The following ADARB2 variants were observed in gnomAD, a reference collection of about 807,000 sequenced individuals.
ADARB2 encodes inactive double-stranded RNA-specific editase B2.
A neutral mutation model predicts 62.2 loss-of-function variants in ADARB2; 25 were observed. The observed-to-expected ratio is 0.40, with a 90% confidence interval of 0.29 to 0.56. ADARB2 has a LOEUF of 0.56. ADARB2 is among the 20% of genes least tolerant of loss of function. The pLI is 0.43. For missense variants in ADARB2, 1,071 were observed against 1,077.4 expected (o/e 0.99, Z 0.08); for synonymous variants, 572 against 500.8 (o/e 1.14, Z -1.90).
intron 2 of ADARB2, among the ~76,000 whole-genome samples, chr10:1,373,222 T>C (rs1354789461): frequency 6.6e-6 from 1 of 152,160 alleles, no homozygotes; most frequent in Non-Finnish European, 1.5e-5. Flanking sequence ...TACCACTCTC[T>C]GTCTGTCTCC....
intron 1 of ADARB2, among the ~76,000 whole-genome samples, chr10:1,529,604 C>A (rs1832195102): frequency 6.6e-6 from 1 of 152,224 alleles, no homozygotes; most frequent in South Asian, 2.1e-4. Flanking sequence ...ACCCTTATCA[C>A]CAGATTCTAA....
chr10:1,379,274 G>A, intron 1 of ADARB2, 114 bp from the exon 2 acceptor site: 1 of 800,126 alleles, frequency 1.2e-6, no homozygotes, highest in South Asian at 1.6e-5. Context: ...AGGTCACTTT[G>A]GTTTCAGCCA....
intron 1 of ADARB2, among the ~76,000 whole-genome samples, chr10:1,560,235 A>G (rs1190273508): frequency 6.6e-6 from 1 of 152,238 alleles, no homozygotes; most frequent in African/African-American, 2.4e-5. Context: ...CTTGAAAAGA[A>G]TAGGATCTAC....
chr10:1,429,834 C>G (rs1348683112), intron 1 of ADARB2, among the ~76,000 whole-genome samples: 2 of 152,070 alleles, frequency 1.3e-5, no homozygotes, highest in Non-Finnish European at 2.9e-5. Context: ...TGCTTTTCCT[C>G]TTCTCTTTCC....
At position 1,544,956 on chromosome 10, in the gene ADARB2, T is replaced by TAC. The variant is rs1554770300; in HGVS notation, c.101-165798_101-165797dup. Among the ~76,000 whole-genome samples, 996 of 133,922 alleles carry TAC rather than the reference T, an allele frequency of 7.4e-3. 17 individuals are homozygous for TAC. The highest frequency in any genetic ancestry group is 0.026 in the African/African-American group (950 of 36,558). The allele number at this position is 133,922 out of a possible 152,430, so 87.9% of individuals were successfully genotyped here. On this transcript the variant is annotated intron_variant, in intron 1 of 9. Transcript: ENST00000381312. ...ATGTGAAGTCTATAATAGCAAAGTA[T>TAC]ACACACACACACACACACACACACA...
chr10:1,514,191 A>ATATATATATATATG, intron 1 of ADARB2, among the ~76,000 whole-genome samples: 1 of 134,066 alleles, frequency 7.5e-6, no homozygotes, highest in South Asian at 2.4e-4. Context: ...ATATATATAT[A>ATATATATATATATG]TATATGTATA....
chr10:1,383,006 T>C (rs1374202012), intron 1 of ADARB2, among the ~76,000 whole-genome samples: 1 of 152,184 alleles, frequency 6.6e-6, no homozygotes, highest in Non-Finnish European at 1.5e-5. Flanking sequence ...TCAAGAGTCT[T>C]TTTCAGGAAA....
chr10:1,444,546 T>TACATTCATCCATCCATCCATCC (rs1830944067), intron 1 of ADARB2, among the ~76,000 whole-genome samples: 1 of 147,338 alleles, frequency 6.8e-6, no homozygotes, highest in Non-Finnish European at 1.5e-5. Context: ...TCCATCCATC[T>TACATTCATCCATCCATCCATCC]ACATTCATCC....
chr10:1,218,467 G>T (rs559716361), intron 6 of ADARB2, among the ~76,000 whole-genome samples: 1 of 152,196 alleles, frequency 6.6e-6, no homozygotes, highest in African/African-American at 2.4e-5. Flanking sequence ...ATATGATAAC[G>T]TAAGTGAATA....
At chr10:1,452,490 T>G (rs1022725809) in intron 1 of ADARB2, among the ~76,000 whole-genome samples, 7 of 152,176 alleles carry the variant, frequency 4.6e-5, no homozygotes, top group African/African-American at 1.4e-4. Context: ...TCATGTCCTT[T>G]GCAGAGACAT....
At chr10:1,608,535 G>C (rs2132019118) in intron 1 of ADARB2, among the ~76,000 whole-genome samples, 1 of 149,260 alleles carries the variant, frequency 6.7e-6, no homozygotes, top group Admixed American at 6.8e-5. Flanking sequence ...AATGGAGGAA[G>C]GAAAGTGGGA....
intron 1 of ADARB2, among the ~76,000 whole-genome samples, chr10:1,464,972 G>A (rs1238450552): frequency 6.6e-6 from 1 of 152,222 alleles, no homozygotes; most frequent in African/African-American, 2.4e-5. Flanking sequence ...TTGGTTCATC[G>A]TCACCCTGAA....
At chr10:1,645,855 C>T (rs1486365235) in intron 1 of ADARB2, among the ~76,000 whole-genome samples, 2 of 152,216 alleles carry the variant, frequency 1.3e-5, no homozygotes, top group African/African-American at 4.8e-5. Flanking sequence ...TTTCATCCGT[C>T]ATTCTTCTTC....
chr10:1,372,911 T>G (rs1223313780), intron 2 of ADARB2, among the ~76,000 whole-genome samples: 5 of 152,100 alleles, frequency 3.3e-5, no homozygotes, highest in Non-Finnish European at 2.9e-5. Context: ...GTCAGGATTC[T>G]TAGAAAGGTT....
chr10:1,684,914 T>G (rs535566169), intron 1 of ADARB2, among the ~76,000 whole-genome samples: 90 of 152,114 alleles, frequency 5.9e-4, no homozygotes, highest in African/African-American at 2.0e-3. Flanking sequence ...AAGCCAAGGA[T>G]AGTGCAAGTT....
At chr10:1,250,578 A>G (rs930029048) in intron 4 of ADARB2, among the ~76,000 whole-genome samples, 2 of 151,950 alleles carry the variant, frequency 1.3e-5, no homozygotes, top group Non-Finnish European at 2.9e-5. Context: ...TTCCCCCTTG[A>G]CCTTCTCCAT....
chr10:1,219,664 A>G (rs1830664546), intron 6 of ADARB2, among the ~76,000 whole-genome samples: 1 of 152,196 alleles, frequency 6.6e-6, no homozygotes, highest in Admixed American at 6.5e-5. Context: ...GGTGATGGTG[A>G]TGATAATGGT....
At chr10:1,368,002 C>T (rs1430752637) in intron 2 of ADARB2, among the ~76,000 whole-genome samples, 1 of 152,202 alleles carries the variant, frequency 6.6e-6, no homozygotes, top group Non-Finnish European at 1.5e-5. Context: ...GACACACCAG[C>T]TGGGCCCTCT....
intron 1 of ADARB2, among the ~76,000 whole-genome samples, chr10:1,574,247 T>C (rs1011720384): frequency 1.3e-5 from 2 of 152,160 alleles, no homozygotes; most frequent in African/African-American, 4.8e-5. Flanking sequence ...ACAGCCGGTT[T>C]GAGGGCATTT....
Sources: gnomAD v4.1 joint callset for allele counts (sites outside exome capture counted in the v4.1 genomes callset) on GRCh38, gnomAD v4.1.1 for gene constraint, MANE v1.5 for transcripts, NCBI Gene and HGNC (gene_info 2026-07-23, HGNC 2026-07-21) for gene names.